KIF16B: variants seen among roughly 807,000 people sequenced by gnomAD.
KIF16B encodes kinesin family member 16B.
KIF16B carries 98 observed loss-of-function variants against 156.3 expected under a neutral mutation model. The ratio of observed to expected loss-of-function variants is 0.63; its 90% CI spans 0.53 to 0.74. KIF16B has a LOEUF of 0.74. KIF16B is among the 30% of genes least tolerant of loss of function. The probability of loss-of-function intolerance (pLI) is 0.00; values close to 1 mark genes in which losing one functional copy is unlikely to be tolerated. For missense variants in KIF16B, 1,421 were observed against 1,606.5 expected (o/e 0.88, Z 1.97); for synonymous variants, 564 against 583.7 (o/e 0.97, Z 0.49).
At chr20:16,519,806 T>A (rs139434768) in intron 3 of KIF16B, among the ~76,000 whole-genome samples, 1 of 152,158 alleles carries the variant, frequency 6.6e-6, no homozygotes, top group Admixed American at 6.5e-5. Flanking sequence ...GGATTTTCAA[T>A]TGAAGTACCC....
intron 1 of KIF16B, among the ~76,000 whole-genome samples, chr20:16,557,158 T>TATAC (rs1555802101): frequency 1.4e-4 from 21 of 147,284 alleles, no homozygotes; most frequent in Admixed American, 9.6e-4. Context: ...TATATATATA[T>TATAC]ACACACACAC....
At chr20:16,501,995 G>T (rs1246753854) in intron 10 of KIF16B, among the ~76,000 whole-genome samples, 1 of 151,840 alleles carries the variant, frequency 6.6e-6, no homozygotes. Context: ...CAATTTTGGG[G>T]GATAATACGT....
At chr20:16,408,786 G>A (rs554261154) in intron 15 of KIF16B, among the ~76,000 whole-genome samples, 1 of 152,232 alleles carries the variant, frequency 6.6e-6, no homozygotes, top group African/African-American at 2.4e-5. Context: ...GATAATGTTT[G>A]AGTCAACTGT....
chr20:16,336,701 T>C (rs561610520), intron 23 of KIF16B, among the ~76,000 whole-genome samples: 2 of 152,308 alleles, frequency 1.3e-5, no homozygotes, highest in South Asian at 2.1e-4. Flanking sequence ...GTCCCAGCTC[T>C]GGTATTCTCC....
At chr20:16,283,860 A>C (rs2063183479) in intron 25 of KIF16B, among the ~76,000 whole-genome samples, 2 of 152,104 alleles carry the variant, frequency 1.3e-5, no homozygotes, top group Admixed American at 1.3e-4. Flanking sequence ...TTGTTGGCCA[A>C]ATACGGCATT....
chr20:16,296,301 G>A (rs183931890), intron 25 of KIF16B, among the ~76,000 whole-genome samples: 7 of 152,210 alleles, frequency 4.6e-5, no homozygotes, highest in East Asian at 1.9e-4. Flanking sequence ...CTTCAGAGGC[G>A]ATGAGACATT....
intron 12 of KIF16B, among the ~76,000 whole-genome samples, chr20:16,489,031 A>T (rs935383085): frequency 1.3e-5 from 2 of 152,266 alleles, no homozygotes; most frequent in Non-Finnish European, 2.9e-5. Flanking sequence ...TTGGTTACTT[A>T]GCTGAAGGAA....
In KIF16B at chr20:16,367,558, A is replaced by G. The variant is rs759608362; in HGVS notation, c.3498+3028T>C. On this transcript the variant is annotated intron_variant, in intron 22 of 25. Transcript: ENST00000354981. ...GCACTGGTCATGGCCAGAGTCACCC[A>G]TGACTTTCACTGTTGTGTAGAGCAG... is the stretch of plus-strand genomic sequence containing the variant. The G allele has an allele frequency of 2.5e-6, 4 of 1,612,798 alleles. No individual in the cohort carries two copies. The highest frequency in any genetic ancestry group is 2.5e-6 in the Non-Finnish European group (3 of 1,179,906).
intron 17 of KIF16B, among the ~76,000 whole-genome samples, chr20:16,401,977 TA>T (rs2065667334): frequency 6.6e-6 from 1 of 152,162 alleles, no homozygotes; most frequent in Admixed American, 6.5e-5. Flanking sequence ...CCAGCTCTCT[TA>T]AAAAACAGTC....
At position 16,358,168 on chromosome 20, in the gene KIF16B, G is replaced by A. The variant is rs906233757; in HGVS notation, c.3499-1716C>T. Among the ~76,000 whole-genome samples, 7 of 152,040 alleles carry A rather than the reference G, an allele frequency of 4.6e-5. No homozygotes were observed. In the East Asian group the frequency reaches 7.7e-4, roughly 17 times the overall value. ...CACGCCACTGCACTCCAGCCTGGGC[G>A]ACAGAGCGAGACTCCATCTCAAAGG... On this transcript the variant is annotated intron_variant, in intron 22 of 25. Transcript: ENST00000354981.
intron 4 of KIF16B, 65 bp downstream of exon 4, chr20:16,515,483 A>G: frequency 1.2e-6 from 1 of 841,200 alleles, no homozygotes. Flanking sequence ...GATAAAAGAG[A>G]TCATTCTACC....
chr20:16,546,085 T>C (rs2070395003), intron 1 of KIF16B, among the ~76,000 whole-genome samples: 1 of 152,238 alleles, frequency 6.6e-6, no homozygotes, highest in Non-Finnish European at 1.5e-5. Flanking sequence ...TGGTTTCTTG[T>C]CACTTTTTCA....
In KIF16B at chr20:16,573,271, G is replaced by A. The variant is rs1157322012; in HGVS notation, c.5C>T (p.Ala2Val). 2 of 1,609,704 alleles carry A rather than the reference G, an allele frequency of 1.2e-6. No homozygotes were observed. Among genetic ancestry groups the A allele is most frequent in the Admixed American group, 1.7e-5 (1 of 59,780 alleles). Residue 2 changes from alanine to valine, a missense_variant, in exon 1 of 26, where the codon GCA (alanine) becomes GTA (valine). Transcript: ENST00000354981. ...GACCCTCACGGCCACCTTGACCGAT[G>A]CCATCGCTCATCCCGAACCAGCCCG... MASVKVAVRVRP... is the reference protein window; with the variant it reads MVSVKVAVRVRP...
At chr20:16,419,715 T>A (rs2066177725) in intron 15 of KIF16B, among the ~76,000 whole-genome samples, 2 of 151,984 alleles carry the variant, frequency 1.3e-5, no homozygotes, top group Admixed American at 1.3e-4. Context: ...TTAACAACTA[T>A]CAGCTTTAAA....
chr20:16,544,308 G>A (rs1396693698), intron 1 of KIF16B, among the ~76,000 whole-genome samples: 1 of 151,978 alleles, frequency 6.6e-6, no homozygotes, highest in Non-Finnish European at 1.5e-5. Flanking sequence ...ATCCTTCAAA[G>A]CCCATAAAAA....
chr20:16,550,585 T>C (rs2070608080), intron 1 of KIF16B, among the ~76,000 whole-genome samples: 2 of 142,032 alleles, frequency 1.4e-5, no homozygotes, highest in South Asian at 4.5e-4. Flanking sequence ...CAGGCTGGAG[T>C]GCAGTGGTGC....
intron 1 of KIF16B, among the ~76,000 whole-genome samples, chr20:16,558,897 C>CAAAAAAAAAAAAAAAAAAAAAAAAAA (rs11478258): frequency 1.6e-5 from 1 of 62,062 alleles, no homozygotes. Context: ...GAGCAAGACT[C>CAAAAAAAAAAAAAAAAAAAAAAAAAA]AAAAAAAAAA....
intron 25 of KIF16B, among the ~76,000 whole-genome samples, chr20:16,294,840 C>T (rs6111025): frequency 0.079 from 11,944 of 152,086 alleles, 621 homozygotes; most frequent in Non-Finnish European, 0.12. Context: ...GCACCCTTCA[C>T]GCCCATTTAT....
intron 12 of KIF16B, among the ~76,000 whole-genome samples, chr20:16,460,872 T>G (rs1287848848): frequency 2.6e-5 from 4 of 151,892 alleles, no homozygotes; most frequent in African/African-American, 9.7e-5. Context: ...CATCAAAAAC[T>G]CAAGGAAATT....
Sources: allele counts gnomAD v4.1 joint callset (sites outside exome capture counted in the v4.1 genomes callset), GRCh38; gene constraint gnomAD v4.1.1; transcripts MANE v1.5; gene names NCBI Gene and HGNC (gene_info 2026-07-23, HGNC 2026-07-21).